The following MYCBPAP variants were observed in gnomAD, a reference collection of about 807,000 sequenced individuals.
The protein encoded by MYCBPAP is MYCBP associated protein.
MYCBPAP carries 60 observed loss-of-function variants against 106.1 expected under a neutral mutation model. That is an observed-to-expected ratio of 0.57 (90% CI 0.46 to 0.70). MYCBPAP has a LOEUF of 0.70. MYCBPAP is among the 30% of genes least tolerant of loss of function. The pLI is 0.00. For missense variants in MYCBPAP, 1,064 were observed against 1,169.3 expected, an observed-to-expected ratio of 0.91 and a Z score of 1.31; for synonymous variants, 407 against 440.6, an observed-to-expected ratio of 0.92 and a Z score of 0.95.
At chr17:50,508,216 G>A (rs980787405), upstream of MYCBPAP, 3 of 280,788 alleles carry the variant, frequency 1.1e-5, no homozygotes, top group African/African-American at 6.8e-5. Flanking sequence ...GAGGAAGGCG[G>A]GAAGCAGGGG....
At position 50,518,971 on chromosome 17, in the gene MYCBPAP, T is replaced by G; in HGVS notation, c.653-3T>G. 1 of 1,613,402 alleles carries G rather than the reference T, an allele frequency of 6.2e-7. No individual in the cohort carries two copies. Among genetic ancestry groups the G allele is most frequent in the South Asian group, 1.1e-5 (1 of 91,084 alleles). On this transcript the variant is annotated splice_polypyrimidine_tract_variant and splice_region_variant and intron_variant, in intron 5 of 18. Coordinates refer to ENST00000323776, the MANE Select transcript of MYCBPAP (RefSeq NM_032133.6). ...GTGGCGGCAATCTTGCCTCTCTCTC[T>G]AGAACACCTAAAGAAGCCAGTGAGT...
chr17:50,511,383 C>A (rs2033842391), intron 1 of MYCBPAP, among the ~76,000 whole-genome samples: 2 of 152,096 alleles, frequency 1.3e-5, no homozygotes, highest in Non-Finnish European at 2.9e-5. Context: ...TTAGATTCCC[C>A]TCCCCAACCA....
At position 50,531,473 on chromosome 17, in the gene MYCBPAP, AT is replaced by A; in HGVS notation, c.*46del. 7.0e-7 allele frequency: 1 copy of A among 1,435,950 alleles called. No individual in the cohort carries two copies. Among genetic ancestry groups the A allele is most frequent in the Non-Finnish European group, 9.6e-7 (1 of 1,043,560 alleles). 89.0% of individuals were successfully genotyped at this position (1,435,950 alleles called of 1,614,324 possible). A position where few individuals can be genotyped will look rare whatever the true frequency, so the allele number is the denominator to read the frequency against. Reference sequence around the variant, plus strand: ...TTCTGGAAAACGGGTTAATAAATAAATCAATAAAGAACCTTCAAGTTTCTAC... The same window carrying A: ...TTCTGGAAAACGGGTTAATAAATAAACAATAAAGAACCTTCAAGTTTCTAC... On this transcript the variant is annotated 3_prime_UTR_variant, in exon 19 of 19. Transcript: ENST00000323776.
At position 50,516,662 on chromosome 17, in the gene MYCBPAP, C is replaced by G. The variant is rs763127666; in HGVS notation, c.169C>G (p.Leu57Val). The G allele has an allele frequency of 1.4e-5, 22 of 1,614,108 alleles. No individual in the cohort carries two copies. Among genetic ancestry groups the G allele is most frequent in the Non-Finnish European group, 1.9e-5 (22 of 1,179,996 alleles). ...VSNVLQGDDI[L>V]ALAIKKEDLK... Reference sequence around the variant, plus strand: ...CAATGTCCTACAAGGAGATGACATTCTTGCCTTGGCCATTAAGAAGGAAGA... The same window carrying G: ...CAATGTCCTACAAGGAGATGACATTGTTGCCTTGGCCATTAAGAAGGAAGA... Residue 57 changes from leucine to valine, a missense_variant, in exon 2 of 19, where the codon CTT becomes GTT. By Grantham distance (32) the Leu-to-Val change is conservative (BLOSUM62 1). Transcript: ENST00000323776.
At chr17:50,516,282 A>T (rs932751201) in intron 1 of MYCBPAP, among the ~76,000 whole-genome samples, 2 of 152,104 alleles carry the variant, frequency 1.3e-5, no homozygotes, top group African/African-American at 4.8e-5. Flanking sequence ...GAGCCACCAC[A>T]CCTGGCCTGA....
At chr17:50,516,486 T>C (rs1303271686) in intron 1 of MYCBPAP, 84 bp from the exon 2 acceptor site, 3 of 1,474,478 alleles carry the variant, frequency 2.0e-6, no homozygotes, top group Non-Finnish European at 1.8e-6. Flanking sequence ...CTAGTATATA[T>C]TTTTACTTTT....
Position 50,528,748 on chromosome 17 carries a change from A to G in MYCBPAP, c.2461A>G (p.Lys821Glu). 1 of 1,614,056 alleles carries G rather than the reference A, an allele frequency of 6.2e-7. No homozygotes were observed. Among genetic ancestry groups the G allele is most frequent in the Non-Finnish European group, 8.5e-7 (1 of 1,180,008 alleles). The part of the protein sequence containing the change: ...EVKVPVGKAG[K>E]EERKGAAQEK... Reference sequence around the variant, plus strand: ...GAAGGTACCTGTGGGGAAAGCTGGGAAGGAGGAGCGGAAAGGAGCAGCCCA... The same window carrying G: ...GAAGGTACCTGTGGGGAAAGCTGGGGAGGAGGAGCGGAAAGGAGCAGCCCA... The change falls in exon 17 of 19, where the codon AAG (lysine) becomes GAG (glutamate). Residue 821 changes from lysine to glutamate, a missense_variant. By Grantham distance (56) the Lys-to-Glu change is moderately conservative. Coordinates refer to ENST00000323776, the MANE Select transcript of MYCBPAP (RefSeq NM_032133.6).
At position 50,528,754 on chromosome 17, in the gene MYCBPAP, G is replaced by A. The variant is rs1210830881; in HGVS notation, c.2467G>A (p.Glu823Lys). ...KVPVGKAGKE[E>K]RKGAAQEKKQ... ...ACCTGTGGGGAAAGCTGGGAAGGAGGAGCGGAAAGGAGCAGCCCAGGAAAA... is the reference window on the plus strand; with the variant it reads ...ACCTGTGGGGAAAGCTGGGAAGGAGAAGCGGAAAGGAGCAGCCCAGGAAAA... The change falls in exon 17 of 19, where the codon GAG (glutamate) becomes AAG (lysine). Residue 823 changes from glutamate to lysine, a missense_variant. Coordinates refer to ENST00000323776, the MANE Select transcript of MYCBPAP (RefSeq NM_032133.6). 4.3e-6 allele frequency: 7 copies of A among 1,614,142 alleles called. No homozygotes were observed. In the South Asian group the frequency reaches 6.6e-5, roughly 15 times the overall value.
chr17:50,515,619 C>T (rs1037853868), intron 1 of MYCBPAP, among the ~76,000 whole-genome samples: 2 of 152,076 alleles, frequency 1.3e-5, no homozygotes, highest in African/African-American at 4.8e-5. Flanking sequence ...CTCCCTAGGC[C>T]CTGGCTCCAT....
intron 1 of MYCBPAP, 24 bp from the exon 2 acceptor site, chr17:50,516,546 T>C (rs1227698668): frequency 6.2e-7 from 1 of 1,611,476 alleles, no homozygotes; most frequent in South Asian, 1.1e-5. Flanking sequence ...TTTAAGGACT[T>C]AATAACTTTC....
chr17:50,519,781 G>C lies in MYCBPAP; in HGVS notation c.910G>C (p.Glu304Gln), dbSNP rs1298048392. Residue 304 changes from glutamate to glutamine, a missense_variant, in exon 7 of 19, where the codon GAG becomes CAG. Physicochemically the swap from Glu to Gln is conservative, Grantham distance 29. Coordinates refer to ENST00000323776, the MANE Select transcript of MYCBPAP (RefSeq NM_032133.6). ...HIRKPHSIRVETGLPAQRDAS... is the reference protein window; with the variant it reads ...HIRKPHSIRVQTGLPAQRDAS... Reference sequence around the variant, plus strand: ...CAGGAAGCCCCACTCCATCCGGGTGGAGACAGGTGAGGCGCAGGGCTGTAA... The same window carrying C: ...CAGGAAGCCCCACTCCATCCGGGTGCAGACAGGTGAGGCGCAGGGCTGTAA... 1 of 1,613,418 alleles carries C rather than the reference G, an allele frequency of 6.2e-7. No individual in the cohort carries two copies. Among genetic ancestry groups the C allele is most frequent in the African/African-American group, 1.3e-5 (1 of 74,918 alleles).
At chr17:50,525,210 G>A (rs1197138001) in intron 13 of MYCBPAP, 187 bp downstream of exon 13, 1 of 615,152 alleles carries the variant, frequency 1.6e-6, no homozygotes, top group Non-Finnish European at 2.7e-6. Context: ...AACTGCGCAT[G>A]CGAGGGATGG....
chr17:50,514,990 C>T (rs189799251), intron 1 of MYCBPAP: 18 of 373,316 alleles, frequency 4.8e-5, no homozygotes, highest in Admixed American at 1.8e-4. Context: ...CACGATATGG[C>T]GGCTGCTGCT....
intron 1 of MYCBPAP, chr17:50,510,499 G>GTGTGTGTATATATATATA (rs1418345705): frequency 2.6e-5 from 2 of 76,428 alleles, no homozygotes; most frequent in African/African-American, 9.2e-5. Context: ...GTGTGTGTGT[G>GTGTGTGTATATATATATA]TATATATATA....
At chr17:50,529,461 GA>G in intron 18 of MYCBPAP, 1 of 431,858 alleles carries the variant, frequency 2.3e-6, no homozygotes, top group Non-Finnish European at 4.3e-6. Context: ...GAAGGGAGGG[GA>G]AGGGTGGCCA....
In MYCBPAP at chr17:50,528,801, CAAA is replaced by C. The variant is rs1327475273; in HGVS notation, c.2515_2517del (p.Lys839del). ...AAAAGAAGCAACTGGGGATCAAAGA[CAAA>C]GAAGACAAGAAAGGAGCCAAGCTGC... On this transcript the variant is annotated inframe_deletion, in exon 17 of 19. Coordinates refer to ENST00000323776, the MANE Select transcript of MYCBPAP (RefSeq NM_032133.6). 4 of 1,613,630 alleles carry C rather than the reference CAAA, an allele frequency of 2.5e-6. No homozygotes were observed. Among genetic ancestry groups the C allele is most frequent in the African/African-American group, 2.7e-5 (2 of 74,898 alleles).
chr17:50,525,058 G>A, intron 13 of MYCBPAP, 35 bp downstream of exon 13: 2 of 1,588,552 alleles, frequency 1.3e-6, no homozygotes, highest in South Asian at 1.1e-5. Flanking sequence ...CCCCTCATGT[G>A]TGCCCTGCGT....
In MYCBPAP at chr17:50,529,150, CT is replaced by C; in HGVS notation, c.2687del (p.Leu896ArgfsTer22). 1 of 1,613,558 alleles carries C rather than the reference CT, an allele frequency of 6.2e-7. No individual in the cohort carries two copies. Among genetic ancestry groups the C allele is most frequent in the Non-Finnish European group, 8.5e-7 (1 of 1,180,020 alleles). On this transcript the variant is annotated frameshift_variant, in exon 18 of 19. Transcript: ENST00000323776. LOFTEE classifies it low-confidence loss of function (END_TRUNC). Reference protein sequence around the residue: ...ILSSQEPIDPLVMGKYTQSLH... With the variant: ...ILSSQEPIDPXVMGKYTQSLH... ...CTCTTCTCAAGAACCCATAGACCCCCTGGTCATGGGGAAATACACCCAGAGC... is the reference window on the plus strand; with the variant it reads ...CTCTTCTCAAGAACCCATAGACCCCCGGTCATGGGGAAATACACCCAGAGC...
chr17:50,528,991 G>C (rs756561276), intron 17 of MYCBPAP, 27 bp from the exon 18 acceptor site: 1 of 1,609,390 alleles, frequency 6.2e-7, no homozygotes, highest in African/African-American at 1.3e-5. Flanking sequence ...GCTCCTGAAG[G>C]CTATGTGTGT....
Sources: allele counts gnomAD v4.1 joint callset (sites outside exome capture counted in the v4.1 genomes callset), GRCh38; gene constraint gnomAD v4.1.1; transcripts MANE v1.5; gene names NCBI Gene and HGNC (gene_info 2026-07-23, HGNC 2026-07-21).